The following MYO9A variants were observed in gnomAD, a reference collection of about 807,000 sequenced individuals.
The protein encoded by MYO9A is myosin IXA, also known as unconventional myosin-IXa.
Under a neutral mutation model 293.3 loss-of-function variants are expected in MYO9A, and 103 were observed. That is an observed-to-expected ratio of 0.35 (90% confidence interval 0.30 to 0.41). The LOEUF (loss-of-function observed/expected upper bound fraction) is 0.41. MYO9A is among the 10% of genes least tolerant of loss of function. MYO9A has a pLI of 1.00. For synonymous variants in MYO9A, 1,001 were observed against 1,035.7 expected, an observed-to-expected ratio of 0.97 and a Z score of 0.64; for missense variants, 2,685 against 3,033.0, an observed-to-expected ratio of 0.89 and a Z score of 2.69.
chr15:71,841,784 C>T (rs193285102), intron 39 of MYO9A, among the ~76,000 whole-genome samples: 3 of 150,560 alleles, frequency 2.0e-5, no homozygotes, highest in East Asian at 2.0e-4. Context: ...TATAGGTGCT[C>T]GCCACCAGGG....
At chr15:71,834,846 A>C (rs192969376) in intron 39 of MYO9A, among the ~76,000 whole-genome samples, 1 of 152,288 alleles carries the variant, frequency 6.6e-6, no homozygotes, top group East Asian at 1.9e-4. Context: ...AATCCTAAAC[A>C]ATATCCTAAC....
chr15:71,842,768 G>T (rs1388068593), intron 39 of MYO9A, among the ~76,000 whole-genome samples: 2 of 151,514 alleles, frequency 1.3e-5, no homozygotes, highest in Non-Finnish European at 2.9e-5. Flanking sequence ...GCTCAGACAG[G>T]AGAATGGCGT....
intron 1 of MYO9A, among the ~76,000 whole-genome samples, chr15:72,062,142 G>A (rs1159749406): frequency 2.0e-5 from 3 of 152,130 alleles, no homozygotes; most frequent in Non-Finnish European, 4.4e-5. Flanking sequence ...TGGGGCTTGG[G>A]GTGTACCCTA....
chr15:72,010,869 G>T (rs927120982), intron 6 of MYO9A, among the ~76,000 whole-genome samples: 3 of 152,112 alleles, frequency 2.0e-5, no homozygotes, highest in African/African-American at 7.2e-5. Flanking sequence ...CCTACCCTAT[G>T]TAAGGCACTG....
At chr15:71,964,519 C>T (rs1286241899) in intron 13 of MYO9A, among the ~76,000 whole-genome samples, 1 of 150,714 alleles carries the variant, frequency 6.6e-6, no homozygotes. Flanking sequence ...CGATGGCTCA[C>T]ATCTGTAATC....
intron 30 of MYO9A, among the ~76,000 whole-genome samples, chr15:71,879,190 T>C (rs1350074245): frequency 6.6e-6 from 1 of 152,210 alleles, no homozygotes; most frequent in Non-Finnish European, 1.5e-5. Context: ...AATGCTTCTA[T>C]AGACCAAAGC....
intron 4 of MYO9A, among the ~76,000 whole-genome samples, chr15:72,025,591 C>G (rs2077640987): frequency 6.6e-6 from 1 of 152,120 alleles, no homozygotes; most frequent in Non-Finnish European, 1.5e-5. Context: ...CTCAAATGAT[C>G]TGCCTGCCTT....
At chr15:71,951,564 C>T in intron 15 of MYO9A, 1 of 481,742 alleles carries the variant, frequency 2.1e-6, no homozygotes, top group Non-Finnish European at 3.5e-6. Context: ...CCAATGATCA[C>T]AGGCAAACAG....
At chr15:71,908,356 G>A (rs938604884) in intron 19 of MYO9A, among the ~76,000 whole-genome samples, 2 of 152,126 alleles carry the variant, frequency 1.3e-5, no homozygotes, top group African/African-American at 2.4e-5. Context: ...GTAGAGACGA[G>A]GTTTCACCGT....
intron 11 of MYO9A, among the ~76,000 whole-genome samples, chr15:71,990,241 C>A (rs2076505149): frequency 1.3e-5 from 2 of 151,772 alleles, no homozygotes; most frequent in African/African-American, 2.4e-5. Flanking sequence ...TGCAATACCA[C>A]ATCTGGTTAA....
Position 71,978,266 on chromosome 15 carries a change from G to A in MYO9A, c.1749C>T (p.Ser583=), listed in dbSNP as rs956297590. Residue 583 remains serine (S), a synonymous_variant, in exon 12 of 42, where the codon AGC becomes AGT. Transcript: ENST00000356056. ...EQEEYRTEGI[S]WHNIDYIDNT... is the part of the protein sequence containing the mutation. The stretch of plus-strand genomic sequence containing the variant: ...TATCAATGTAATCTATGTTGTGCCA[G>A]CTGATACCTTCAGTTCTATATTCCT... 1 of 1,609,664 alleles carries A rather than the reference G, an allele frequency of 6.2e-7. No homozygotes were observed. Among genetic ancestry groups the A allele is most frequent in the Non-Finnish European group, 8.5e-7 (1 of 1,178,404 alleles).
At chr15:71,984,046 T>TA (rs1224011157) in intron 11 of MYO9A, among the ~76,000 whole-genome samples, 1 of 152,238 alleles carries the variant, frequency 6.6e-6, no homozygotes, top group Non-Finnish European at 1.5e-5. Flanking sequence ...GTCCCTGACT[T>TA]ACGATGATTC....
intron 1 of MYO9A, among the ~76,000 whole-genome samples, chr15:72,099,420 CCCAAA>C (rs1470821468): frequency 1.3e-3 from 35 of 27,808 alleles, no homozygotes; most frequent in Non-Finnish European, 2.1e-3. Context: ...AAGACCCTGC[CCCAAA>C]AAAAAAAAAA....
intron 29 of MYO9A, among the ~76,000 whole-genome samples, chr15:71,880,053 T>C (rs1025870917): frequency 3.3e-5 from 5 of 152,212 alleles, no homozygotes; most frequent in African/African-American, 1.2e-4. Context: ...GATTCTATAG[T>C]TCTGTTACAA....
intron 25 of MYO9A, among the ~76,000 whole-genome samples, chr15:71,895,768 C>T (rs953619977): frequency 6.6e-6 from 1 of 151,938 alleles, no homozygotes; most frequent in African/African-American, 2.4e-5. Flanking sequence ...AACTCAAATA[C>T]ACCTACAACT....
chr15:72,010,865 C>T (rs1043508638), intron 6 of MYO9A, among the ~76,000 whole-genome samples: 1 of 151,958 alleles, frequency 6.6e-6, no homozygotes, highest in African/African-American at 2.4e-5. Flanking sequence ...AGTGCCTACC[C>T]TATGTAAGGC....
chr15:71,908,758 CATG>C (rs1402576657), intron 19 of MYO9A, among the ~76,000 whole-genome samples: 3 of 152,178 alleles, frequency 2.0e-5, no homozygotes, highest in Non-Finnish European at 4.4e-5. Flanking sequence ...CCAATACTGA[CATG>C]ATTATTAACT....
chr15:71,878,215 C>T lies in MYO9A; in HGVS notation c.5756G>A (p.Ser1919Asn). 6.5e-7 allele frequency: 1 copy of T among 1,546,680 alleles called. No homozygotes were observed. The highest frequency in any genetic ancestry group is 8.7e-7 in the Non-Finnish European group (1 of 1,151,790). Residue 1919 changes from serine to asparagine, a missense_variant, in exon 31 of 42, where the codon AGC becomes AAC. Transcript: ENST00000356056. ...TGCATAGAGGTCTTTATACCGTATG[C>T]TTTTCCCATCATCCATCTATAAGCA... ...SSALAMDDGK[S>N]IRYKDLYALF...
At chr15:71,924,743 A>C (rs2058246817) in intron 18 of MYO9A, among the ~76,000 whole-genome samples, 1 of 151,986 alleles carries the variant, frequency 6.6e-6, no homozygotes, top group Admixed American at 6.5e-5. Flanking sequence ...CAACATGGTG[A>C]AACCCCATCT....
Sources: gnomAD v4.1 joint callset for allele counts (sites outside exome capture counted in the v4.1 genomes callset) on GRCh38, gnomAD v4.1.1 for gene constraint, MANE v1.5 for transcripts, NCBI Gene and HGNC (gene_info 2026-07-23, HGNC 2026-07-21) for gene names.